The following TSHZ2 variants were observed in gnomAD, a reference collection of about 807,000 sequenced individuals.
TSHZ2 encodes teashirt homolog 2.
Under a neutral mutation model 74.4 loss-of-function variants are expected in TSHZ2, and 21 were observed. The observed-to-expected ratio is 0.28, with a 90% CI of 0.20 to 0.41. TSHZ2 has a LOEUF of 0.41. Among genes scored for constraint, TSHZ2 ranks in the 10% least tolerant of loss-of-function variants. The pLI is 1.00. For missense variants in TSHZ2, 1,244 were observed against 1,293.5 expected (o/e 0.96, Z 0.59); for synonymous variants, 540 against 515.3 (o/e 1.05, Z -0.65).
chr20:53,162,076 A>G (rs915945743), intron 1 of TSHZ2, among the ~76,000 whole-genome samples: 19 of 152,130 alleles, frequency 1.2e-4, no homozygotes, highest in Non-Finnish European at 2.6e-4. Context: ...CTGGCTCAAA[A>G]TACTCATTAA....
intron 1 of TSHZ2, among the ~76,000 whole-genome samples, chr20:53,152,716 C>T (rs1568784676): frequency 6.6e-6 from 1 of 152,164 alleles, no homozygotes; most frequent in Non-Finnish European, 1.5e-5. Flanking sequence ...CAATATCACT[C>T]TGCTGAAATA....
At chr20:53,110,795 T>C (rs565564965) in intron 1 of TSHZ2, among the ~76,000 whole-genome samples, 3 of 150,826 alleles carry the variant, frequency 2.0e-5, no homozygotes, top group Non-Finnish European at 4.4e-5. Context: ...CAGAAAGAGC[T>C]TGTGGGTTGG....
chr20:53,116,318 G>A (rs2123337652), intron 1 of TSHZ2, among the ~76,000 whole-genome samples: 1 of 152,236 alleles, frequency 6.6e-6, no homozygotes, highest in South Asian at 2.1e-4. Flanking sequence ...TATTGCATAG[G>A]CAAATCATTA....
intron 2 of TSHZ2, among the ~76,000 whole-genome samples, chr20:53,434,372 A>G (rs1282993381): frequency 6.6e-6 from 1 of 152,206 alleles, no homozygotes; most frequent in Non-Finnish European, 1.5e-5. Context: ...CTTGAACCCA[A>G]GCCCAAGCCA....
intron 2 of TSHZ2, among the ~76,000 whole-genome samples, chr20:53,474,035 G>T (rs1184269799): frequency 3.3e-5 from 5 of 151,468 alleles, no homozygotes; most frequent in African/African-American, 9.7e-5. Context: ...GTCTGATTGG[G>T]GTACCTGAAA....
intron 1 of TSHZ2, among the ~76,000 whole-genome samples, chr20:53,085,889 C>CA (rs1985684703): frequency 6.6e-6 from 1 of 152,226 alleles, no homozygotes; most frequent in African/African-American, 2.4e-5. Context: ...CATTAAACCA[C>CA]AAGCCAGGCA....
At chr20:53,064,709 AT>A (rs1300982950) in intron 1 of TSHZ2, among the ~76,000 whole-genome samples, 74 of 112,640 alleles carry the variant, frequency 6.6e-4, no homozygotes, top group African/African-American at 2.9e-3. Context: ...CACACACACA[AT>A]TGTGTGAAGC....
intron 1 of TSHZ2, among the ~76,000 whole-genome samples, chr20:53,207,418 C>G (rs1211651110): frequency 6.6e-6 from 1 of 152,052 alleles, no homozygotes; most frequent in African/African-American, 2.4e-5. Flanking sequence ...TGTTCTGAAG[C>G]CCTGAAGTTT....
In TSHZ2 at chr20:53,255,396, C is replaced by A; in HGVS notation, c.1938C>A (p.Thr646=). The change falls in exon 2 of 3, where the codon ACC becomes ACA. Residue 646 remains threonine (T), a synonymous_variant. Transcript: ENST00000371497. This position sits in a 1 kb window ranked among gnomAD's most constrained non-coding sequence, Gnocchi z 4.1. Reference sequence around the variant, plus strand: ...AAACACCTCCAGAAGCCAAAAAGACCGAGCTGGGTCCCCTGAAGGAGGAGG... The same window carrying A: ...AAACACCTCCAGAAGCCAAAAAGACAGAGCTGGGTCCCCTGAAGGAGGAGG... ...KSETPPEAKK[T]ELGPLKEEEK... The A allele has an allele frequency of 2.5e-6, 4 of 1,613,842 alleles. No individual in the cohort carries two copies. The highest frequency in any genetic ancestry group is 1.1e-5 in the South Asian group (1 of 91,074).
chr20:53,330,293 A>G (rs1218327946), intron 2 of TSHZ2, among the ~76,000 whole-genome samples: 1 of 152,206 alleles, frequency 6.6e-6, no homozygotes, highest in Non-Finnish European at 1.5e-5. Flanking sequence ...CAGTGCTTGC[A>G]TAACTATAGG....
chr20:53,127,042 GAAAA>G (rs747024412), intron 1 of TSHZ2, among the ~76,000 whole-genome samples: 1 of 152,040 alleles, frequency 6.6e-6, no homozygotes, highest in Non-Finnish European at 1.5e-5. Flanking sequence ...AAGAGGAAGA[GAAAA>G]AGAAAGAGGG....
rs143724013 is a variant in TSHZ2, at chr20:53,469,045, TTATATATATATATATATATATA to T, written c.*9-18081_*9-18060del. Among the ~76,000 whole-genome samples the T allele has an allele frequency of 4.7e-4, 23 of 49,126 alleles. 1 individual carries two copies. Among genetic ancestry groups the T allele is most frequent in the Middle Eastern group, 0.015 (1 of 68 alleles). The allele number at this position is 49,126 out of a possible 152,430, so 32.2% of individuals were successfully genotyped here. ...ACCTAAAGGCTCTGAAATCGATATTTTATATATATATATATATATATATATATATATATATATATGTACATAT... is the reference window on the plus strand; with the variant it reads ...ACCTAAAGGCTCTGAAATCGATATTTTATATATATATATATATGTACATAT... On this transcript the variant is annotated intron_variant, in intron 2 of 2. Transcript: ENST00000371497.
chr20:53,480,592 A>T (rs1026726166), intron 2 of TSHZ2, among the ~76,000 whole-genome samples: 77 of 152,132 alleles, frequency 5.1e-4, no homozygotes, highest in African/African-American at 1.8e-3. Context: ...AGAAAAAAAT[A>T]AAAAATGGGT....
At chr20:53,349,040 G>C (rs1234978210) in intron 2 of TSHZ2, among the ~76,000 whole-genome samples, 1 of 152,186 alleles carries the variant, frequency 6.6e-6, no homozygotes, top group Non-Finnish European at 1.5e-5. Flanking sequence ...TGCTGGCTTT[G>C]TTCAAAGGCT....
At chr20:53,234,633 T>A (rs1377094175) in intron 1 of TSHZ2, among the ~76,000 whole-genome samples, 2 of 152,136 alleles carry the variant, frequency 1.3e-5, no homozygotes, top group African/African-American at 4.8e-5. Flanking sequence ...GGAAATGATA[T>A]TTAGGCAAAG....
Position 53,409,499 on chromosome 20 carries a change from A to G in TSHZ2, c.*9-77645A>G, listed in dbSNP as rs1418811669. ...GTGTCTTTGTTTAATGATTCATCAC[A>G]AGCCCAATTTCTGCAGAACTTAATC... On this transcript the variant is annotated intron_variant, in intron 2 of 2. Transcript: ENST00000371497. 2.6e-5 allele frequency among the ~76,000 whole-genome samples: 4 copies of G among 152,308 alleles called. No homozygotes were observed. The East Asian group carries it at 7.7e-4, about 29-fold the overall frequency.
intron 1 of TSHZ2, among the ~76,000 whole-genome samples, chr20:53,035,646 C>T (rs1052163853): frequency 3.9e-5 from 6 of 152,128 alleles, no homozygotes; most frequent in Non-Finnish European, 5.9e-5. Flanking sequence ...CCATATATGT[C>T]GCTCCAAGCT....
intron 2 of TSHZ2, among the ~76,000 whole-genome samples, chr20:53,359,632 G>A (rs1457652065): frequency 2.6e-5 from 4 of 152,180 alleles, no homozygotes; most frequent in Admixed American, 2.0e-4. Context: ...TTTGTCCCAC[G>A]TGGTGAAGAT....
At chr20:53,168,375 C>T in intron 1 of TSHZ2, among the ~76,000 whole-genome samples, 1 of 152,226 alleles carries the variant, frequency 6.6e-6, no homozygotes, top group East Asian at 1.9e-4. Flanking sequence ...GGCTTATTCA[C>T]ATAGTCTAGT....
Sources: gnomAD v4.1 joint callset for allele counts (sites outside exome capture counted in the v4.1 genomes callset) on GRCh38, gnomAD v4.1.1 for gene constraint, Gnocchi (gnomAD v3.1) non-coding constraint, MANE v1.5 for transcripts, NCBI Gene and HGNC (gene_info 2026-07-23, HGNC 2026-07-21) for gene names.